APLF: variants seen among roughly 807,000 people sequenced by gnomAD.
The protein encoded by APLF is aprataxin and PNKP like factor.
APLF carries 61 observed loss-of-function variants against 55.6 expected under a neutral mutation model. That is an observed-to-expected ratio of 1.10 (90% CI 0.89 to 1.36). APLF has a LOEUF of 1.36. Ranked by LOEUF, APLF falls within the 40% of genes most tolerant of loss-of-function variation. The pLI, the probability that APLF is intolerant of heterozygous loss-of-function variation, is 0.00. For missense variants in APLF, 611 were observed against 602.5 expected, an observed-to-expected ratio of 1.01 and a Z score of -0.15; for synonymous variants, 207 against 214.8, an observed-to-expected ratio of 0.96 and a Z score of 0.32.
chr2:68,518,993 G>GATAATATGTTATTAATATATAATAATAT (rs1558540137), intron 5 of APLF, among the ~76,000 whole-genome samples: 2 of 107,498 alleles, frequency 1.9e-5, no homozygotes, highest in African/African-American at 8.7e-5. Context: ...TACAATATCT[G>GATAATATGTTATTAATATATAATAATAT]ATAATATATT....
Position 68,526,225 on chromosome 2 carries a change from T to C in APLF, c.787T>C (p.Ser263Pro), listed in dbSNP as rs758480117. 1.9e-6 allele frequency: 3 copies of C among 1,602,366 alleles called. No homozygotes were observed. In the South Asian group the frequency reaches 3.4e-5, roughly 18 times the overall value. The change falls in exon 6 of 10, where the codon TCT becomes CCT. Residue 263 changes from serine to proline, a missense_variant. Transcript: ENST00000303795. ...GTGCAAAAATACTGATCAGGAAGAGTCTACCATTTCATCCAAGGTGATTTT... is the reference window on the plus strand; with the variant it reads ...GTGCAAAAATACTGATCAGGAAGAGCCTACCATTTCATCCAAGGTGATTTT... Reference protein sequence around the residue: ...EECKNTDQEESTISSKEMPQS... With the variant: ...EECKNTDQEEPTISSKEMPQS...
chr2:68,492,689 G>A (rs1027334232), intron 2 of APLF, among the ~76,000 whole-genome samples: 9 of 151,974 alleles, frequency 5.9e-5, no homozygotes, highest in African/African-American at 9.7e-5. Context: ...TAGATGGTAC[G>A]CAGATCATAA....
chr2:68,577,154 A>G (rs1455726787), intron 9 of APLF, among the ~76,000 whole-genome samples: 1 of 152,224 alleles, frequency 6.6e-6, no homozygotes, highest in Non-Finnish European at 1.5e-5. Context: ...CAAAGTATCT[A>G]AGCTCACGCC....
chr2:68,542,223 G>A (rs1380281860), intron 7 of APLF, among the ~76,000 whole-genome samples: 1 of 152,068 alleles, frequency 6.6e-6, no homozygotes, highest in Admixed American at 6.6e-5. Context: ...TGGGGGAGAA[G>A]CTTCATGACA....
intron 8 of APLF, among the ~76,000 whole-genome samples, chr2:68,565,132 G>C (rs1193484966): frequency 6.6e-6 from 1 of 152,040 alleles, no homozygotes; most frequent in Non-Finnish European, 1.5e-5. Context: ...AGGGTTATCA[G>C]TTGAAACTCT....
intron 2 of APLF, among the ~76,000 whole-genome samples, chr2:68,491,642 A>G (rs1306708770): frequency 6.6e-6 from 1 of 152,212 alleles, no homozygotes; most frequent in Non-Finnish European, 1.5e-5. Flanking sequence ...TTTTATTTAT[A>G]TAGATTTAGG....
intron 1 of APLF, among the ~76,000 whole-genome samples, chr2:68,472,581 T>G (rs1046106952): frequency 2.6e-5 from 4 of 152,078 alleles, no homozygotes; most frequent in Non-Finnish European, 5.9e-5. Context: ...CAGAGAGGTA[T>G]AAGAAGGAAC....
At chr2:68,567,686 A>G (rs1389007732) in intron 9 of APLF, among the ~76,000 whole-genome samples, 1 of 152,096 alleles carries the variant, frequency 6.6e-6, no homozygotes, top group Non-Finnish European at 1.5e-5. Flanking sequence ...GACTTCTGTA[A>G]CTAAAACGTC....
At chr2:68,504,460 G>A (rs1181621598) in intron 3 of APLF, among the ~76,000 whole-genome samples, 1 of 151,880 alleles carries the variant, frequency 6.6e-6, no homozygotes, top group Non-Finnish European at 1.5e-5. Context: ...GCTTGTCCAA[G>A]GGATACAAGG....
chr2:68,485,280 A>G (rs1177528610), intron 1 of APLF, among the ~76,000 whole-genome samples: 2 of 152,102 alleles, frequency 1.3e-5, no homozygotes, highest in Non-Finnish European at 2.9e-5. Context: ...TAATGACATC[A>G]GTGCTTCTGT....
intron 2 of APLF, among the ~76,000 whole-genome samples, chr2:68,497,369 G>A (rs999889386): frequency 4.6e-5 from 7 of 151,960 alleles, no homozygotes; most frequent in Admixed American, 3.9e-4. Context: ...TGGTGGTATT[G>A]GATTTCCCCC....
chr2:68,518,414 T>TTATATAATAATTTATTATATAA (rs1669726714), intron 5 of APLF, among the ~76,000 whole-genome samples: 4 of 111,070 alleles, frequency 3.6e-5, no homozygotes, highest in Non-Finnish European at 3.3e-5. Flanking sequence ...ATATTATATA[T>TTATATAATAATTTATTATATAA]TATATAATAA....
chr2:68,552,138 G>T (rs542051265), intron 8 of APLF, among the ~76,000 whole-genome samples: 2 of 152,154 alleles, frequency 1.3e-5, no homozygotes, highest in East Asian at 3.9e-4. Flanking sequence ...TTCATTTCTT[G>T]AGGGGAGGCT....
rs1010713202 is a variant in APLF at position 68,528,935 on chromosome 2, C to T, written c.804+2693C>T. The T allele has an allele frequency of 2.6e-6, 4 of 1,521,972 alleles. No individual in the cohort carries two copies. The South Asian group carries it at 3.6e-5, about 14-fold the overall frequency. 94.3% of individuals were successfully genotyped at this position (1,521,972 alleles called of 1,614,324 possible). A position where few individuals can be genotyped will look rare whatever the true frequency, so the allele number is the denominator to read the frequency against. On this transcript the variant is annotated intron_variant, in intron 6 of 9. Coordinates refer to ENST00000303795, the MANE Select transcript of APLF (RefSeq NM_173545.3). The stretch of plus-strand genomic sequence containing the variant: ...GGCTGCTTCCCCATTGCTACAGGGG[C>T]CCCTTTTATTGTCCTCCTGCTCCTG...
At chr2:68,492,131 A>G (rs926264107) in intron 2 of APLF, among the ~76,000 whole-genome samples, 12 of 152,154 alleles carry the variant, frequency 7.9e-5, no homozygotes, top group Admixed American at 1.3e-4. Context: ...AGTTGTGTCT[A>G]TACTTGGCTG....
intron 8 of APLF, among the ~76,000 whole-genome samples, chr2:68,563,738 CAATT>C (rs1293044688): frequency 6.6e-6 from 1 of 151,912 alleles, no homozygotes; most frequent in African/African-American, 2.4e-5. Context: ...AAGTAGCAAA[CAATT>C]AAGACCATAT....
At position 68,513,186 on chromosome 2, in the gene APLF, A is replaced by G. The variant is rs543586185; in HGVS notation, c.448A>G (p.Thr150Ala). ...TGGTGCCTCACAACTGGAAGGAAGC[A>G]CAGAAATAGCCAAGACCCAGATGAC... is the stretch of plus-strand genomic sequence containing the variant. Reference protein sequence around the residue: ...TTGASQLEGSTEIAKTQMTPT... With the variant: ...TTGASQLEGSAEIAKTQMTPT... Residue 150 changes from threonine to alanine, a missense_variant, in exon 4 of 10, where the codon ACA (threonine) becomes GCA (alanine). Coordinates refer to ENST00000303795, the MANE Select transcript of APLF (RefSeq NM_173545.3). 2.0e-5 allele frequency: 32 copies of G among 1,611,062 alleles called. No homozygotes were observed. In the South Asian group the frequency reaches 2.6e-4, roughly 13 times the overall value.
chr2:68,480,258 A>G (rs1174793295), intron 1 of APLF, among the ~76,000 whole-genome samples: 1 of 149,942 alleles, frequency 6.7e-6, no homozygotes, highest in Non-Finnish European at 1.5e-5. Flanking sequence ...ACAAGCAGGG[A>G]TGATTCAACT....
At chr2:68,496,284 T>C (rs1296893398) in intron 2 of APLF, among the ~76,000 whole-genome samples, 1 of 152,052 alleles carries the variant, frequency 6.6e-6, no homozygotes, top group African/African-American at 2.4e-5. Flanking sequence ...TTTGTATTTT[T>C]AGTGGAGATG....
Sources: allele counts gnomAD v4.1 joint callset (sites outside exome capture counted in the v4.1 genomes callset), GRCh38; gene constraint gnomAD v4.1.1; transcripts MANE v1.5; gene names NCBI Gene and HGNC (gene_info 2026-07-23, HGNC 2026-07-21).